Variants in RBFOX3 observed in about 807,000 individuals in gnomAD.
The protein encoded by RBFOX3 is RNA binding fox-1 homolog 3, also known as RNA binding protein fox-1 homolog 3.
RBFOX3 carries 17 observed loss-of-function variants against 48.7 expected under a neutral mutation model. The observed-to-expected ratio is 0.35, with a 90% CI of 0.24 to 0.52. RBFOX3 has a LOEUF of 0.52. RBFOX3 is among the 20% of genes least tolerant of loss of function. The pLI is 0.94. For missense variants in RBFOX3, 382 were observed against 497.5 expected, an observed-to-expected ratio of 0.77 and a Z score of 2.21; for synonymous variants, 212 against 209.5, an observed-to-expected ratio of 1.01 and a Z score of -0.10.
At chr17:79,321,953 G>A (rs12449802) in intron 2 of RBFOX3, among the ~76,000 whole-genome samples, 31,939 of 152,094 alleles carry the variant, frequency 0.21, 3,998 homozygotes, top group East Asian at 0.35. Flanking sequence ...TGATCCACCC[G>A]CCTTGGCCTC....
At chr17:79,620,410 C>T in the RBFOX3 span, among the ~76,000 whole-genome samples, 1 of 149,270 alleles carries the variant, frequency 6.7e-6, no homozygotes, top group African/African-American at 2.5e-5. Flanking sequence ...TGCACACACA[C>T]GGACATGCAC....
the RBFOX3 span, among the ~76,000 whole-genome samples, chr17:79,659,896 C>G: frequency 6.6e-6 from 1 of 152,060 alleles, no homozygotes; most frequent in Admixed American, 6.6e-5. Flanking sequence ...AGATTTCCAT[C>G]AAAATCTATG....
rs1555688981 is a variant in RBFOX3, at chr17:79,363,716, G to A, written c.-174-55892C>T. Among the ~76,000 whole-genome samples, 1 of 151,896 alleles carries A rather than the reference G, an allele frequency of 6.6e-6. No individual in the cohort carries two copies. The highest frequency in any genetic ancestry group is 1.5e-5 in the Non-Finnish European group (1 of 67,954). ...CAGGGACCTCCGACACGCCTCCAGA[G>A]CCCCCAACACCTCCAGAGCCCTCCA... On this transcript the variant is annotated intron_variant, in intron 2 of 14. Transcript: ENST00000693108. This position sits in a 1 kb window ranked among gnomAD's most constrained non-coding sequence, Gnocchi z 4.7.
intron 1 of RBFOX3, among the ~76,000 whole-genome samples, chr17:79,525,970 G>A (rs992004443): frequency 2.6e-5 from 4 of 152,146 alleles, no homozygotes; most frequent in South Asian, 2.1e-4. Flanking sequence ...CGCCACCCCC[G>A]ACGGCCATTG....
chr17:79,501,689 A>G (rs1881335195), intron 1 of RBFOX3, among the ~76,000 whole-genome samples: 1 of 152,200 alleles, frequency 6.6e-6, no homozygotes, highest in South Asian at 2.1e-4. Context: ...TTTGCATTCC[A>G]TGCACACACA....
rs1290482462 is a variant in RBFOX3 at position 79,299,192 on chromosome 17, G to T, written c.-74+8532C>A. ...CAGAGAGGGTGGGATGTGAGGGCGG[G>T]TCCCATTCCTGAAAGTAAACCTGGC... On this transcript the variant is annotated intron_variant, in intron 3 of 14. Coordinates refer to ENST00000693108, the MANE Select transcript of RBFOX3 (RefSeq NM_001350451.2). The surrounding 1 kb of genome is among the most constrained non-coding windows in gnomAD (Gnocchi z 4.5). Among the ~76,000 whole-genome samples, 2 of 151,618 alleles carry T rather than the reference G, an allele frequency of 1.3e-5. No individual in the cohort carries two copies. The highest frequency in any genetic ancestry group is 2.9e-5 in the Non-Finnish European group (2 of 67,928).
intron 1 of RBFOX3, among the ~76,000 whole-genome samples, chr17:79,539,005 G>T (rs1454152894): frequency 6.6e-6 from 1 of 152,100 alleles, no homozygotes; most frequent in African/African-American, 2.4e-5. Flanking sequence ...CCTCAAGTTG[G>T]GGAAATGCAA....
chr17:79,396,221 C>G (rs2061979025), intron 2 of RBFOX3, among the ~76,000 whole-genome samples: 1 of 152,206 alleles, frequency 6.6e-6, no homozygotes, highest in Non-Finnish European at 1.5e-5. Flanking sequence ...AGGAAAGATA[C>G]CCTTTTGGAT....
chr17:79,563,978 C>T (rs1021077488), intron 1 of RBFOX3, among the ~76,000 whole-genome samples: 11 of 152,318 alleles, frequency 7.2e-5, no homozygotes, highest in African/African-American at 1.4e-4. Context: ...AACTATGCTA[C>T]GTACCCTATG....
chr17:79,659,771 C>T, the RBFOX3 span, among the ~76,000 whole-genome samples: 1 of 152,280 alleles, frequency 6.6e-6, no homozygotes, highest in East Asian at 1.9e-4. Context: ...GTGGACAATC[C>T]AGGCAACCAC....
rs550831166 is a variant in RBFOX3 at position 79,425,297 on chromosome 17, G to A, written c.-175+57157C>T. On this transcript the variant is annotated intron_variant, in intron 2 of 14. Transcript: ENST00000693108. ...GGCCTCAGCTCCCTCTGAGTGCCCT[G>A]AGCAAGTCCCCTCCGCAGTAACCCT... Among the ~76,000 whole-genome samples, 15 of 152,288 alleles carry A rather than the reference G, an allele frequency of 9.8e-5. No homozygotes were observed. In the South Asian group the frequency reaches 2.9e-3, roughly 29 times the overall value.
intron 3 of RBFOX3, among the ~76,000 whole-genome samples, chr17:79,292,524 AT>A (rs1309805050): frequency 6.6e-6 from 1 of 152,048 alleles, no homozygotes; most frequent in African/African-American, 2.4e-5. Context: ...ATGTTAGTCT[AT>A]AATGGAACAT....
At chr17:79,300,573 A>G (rs1470176499) in intron 3 of RBFOX3, among the ~76,000 whole-genome samples, 3 of 152,224 alleles carry the variant, frequency 2.0e-5, no homozygotes, top group African/African-American at 4.8e-5. Flanking sequence ...AGAAAGATCT[A>G]CCAGTCAGTC....
chr17:79,644,743 C>G, the RBFOX3 span, among the ~76,000 whole-genome samples: 1 of 151,990 alleles, frequency 6.6e-6, no homozygotes, highest in Non-Finnish European at 1.5e-5. Flanking sequence ...CATCTCTGGG[C>G]GAAAGTAAAG....
chr17:79,148,661 TA>T (rs982739652), intron 4 of RBFOX3, among the ~76,000 whole-genome samples: 2 of 152,220 alleles, frequency 1.3e-5, no homozygotes, highest in African/African-American at 4.8e-5. Flanking sequence ...GACCAAGATC[TA>T]ATCTCAGTGC....
chr17:79,182,889 G>A (rs2052425224), intron 4 of RBFOX3, among the ~76,000 whole-genome samples: 1 of 143,700 alleles, frequency 7.0e-6, no homozygotes, highest in Admixed American at 6.9e-5. Context: ...CCCGCTCCCC[G>A]CCCCGAGTCC....
rs56858037 is a variant in RBFOX3 at position 79,254,668 on chromosome 17, C to A, written c.-73-18863G>T. 0.036 allele frequency among the ~76,000 whole-genome samples: 5,468 copies of A among 152,196 alleles called. 116 individuals are homozygous for A. Among genetic ancestry groups the A allele is most frequent in the East Asian group, 0.12 (605 of 5,148 alleles). Reference sequence around the variant, plus strand: ...AGGGGCCACTTCTGAGCCCTCTTGGCGATTCGTATACTTGCCCCTCCATGC... The same window carrying A: ...AGGGGCCACTTCTGAGCCCTCTTGGAGATTCGTATACTTGCCCCTCCATGC... On this transcript the variant is annotated intron_variant, in intron 3 of 14. Transcript: ENST00000693108. The surrounding 1 kb of genome is among the most constrained non-coding windows in gnomAD (Gnocchi z 4.8).
chr17:79,620,509 G>GCA, the RBFOX3 span, among the ~76,000 whole-genome samples: 3 of 135,840 alleles, frequency 2.2e-5, no homozygotes, highest in African/African-American at 8.7e-5. Flanking sequence ...ACACACATGC[G>GCA]CATACGTGCA....
intron 1 of RBFOX3, among the ~76,000 whole-genome samples, chr17:79,511,096 C>A (rs1335762171): frequency 6.6e-6 from 1 of 152,162 alleles, no homozygotes; most frequent in Non-Finnish European, 1.5e-5. Flanking sequence ...TGTCCTCATC[C>A]ACGCAGGGGC....
Sources: allele counts gnomAD v4.1 joint callset (sites outside exome capture counted in the v4.1 genomes callset), GRCh38; gene constraint gnomAD v4.1.1; non-coding constraint Gnocchi (gnomAD v3.1); transcripts MANE v1.5; gene names NCBI Gene and HGNC (gene_info 2026-07-23, HGNC 2026-07-21).